EXOSC7: variants seen among roughly 807,000 people sequenced by gnomAD.
EXOSC7 encodes the protein exosome complex component RRP42.
EXOSC7 carries 25 observed loss-of-function variants against 34.3 expected under a neutral mutation model. The ratio of observed to expected loss-of-function variants is 0.73; its 90% CI spans 0.53 to 1.02. The LOEUF (loss-of-function observed/expected upper bound fraction) is 1.02, where lower values mean the gene tolerates loss of function less well. EXOSC7 is among the 50% of genes least tolerant of loss of function. The pLI is 0.00. For synonymous variants in EXOSC7, 130 were observed against 143.0 expected (o/e 0.91, Z 0.65); for missense variants, 370 against 368.5 (o/e 1.00, Z -0.03).
intron 3 of EXOSC7, among the ~76,000 whole-genome samples, chr3:44,993,812 T>C (rs1706636562): frequency 6.6e-6 from 1 of 152,218 alleles, no homozygotes; most frequent in Non-Finnish European, 1.5e-5. Flanking sequence ...ATTACCAGCC[T>C]GTGTTTTCTT....
intron 4 of EXOSC7, 74 bp downstream of exon 4, chr3:44,997,326 T>C (rs2125968665): frequency 7.0e-7 from 1 of 1,435,262 alleles, no homozygotes; most frequent in Non-Finnish European, 9.5e-7. Flanking sequence ...TTCCTTCCAG[T>C]GCTTTTTTCC....
Position 44,976,440 on chromosome 3 carries a change from T to A in EXOSC7, c.57+106T>A, listed in dbSNP as rs1706029373. 5.2e-5 allele frequency: 52 copies of A among 997,672 alleles called. 1 individual carries two copies. In the South Asian group the frequency reaches 8.4e-4, roughly 16 times the overall value. The allele number at this position is 997,672 out of a possible 1,614,324, so 61.8% of individuals were successfully genotyped here. A position where few individuals can be genotyped will look rare whatever the true frequency, so the allele number is the denominator to read the frequency against. On this transcript the variant is annotated intron_variant, in intron 1 of 7. Coordinates refer to ENST00000265564, the MANE Select transcript of EXOSC7 (RefSeq NM_015004.4). ...GAGGAGGCAGCCGAGCTGCGGCGAC[T>A]CTCCGTTTACCTTGTGATTAAACGG...
chr3:44,997,907 C>G (rs1434810259), intron 4 of EXOSC7, among the ~76,000 whole-genome samples: 1 of 152,220 alleles, frequency 6.6e-6, no homozygotes, highest in Admixed American at 6.5e-5. Context: ...AGTCTACTCC[C>G]CTGGGAGTCT....
In EXOSC7 at chr3:44,997,215, C is replaced by G. The variant is rs567495078; in HGVS notation, c.383C>G (p.Pro128Arg). 1 of 1,613,784 alleles carries G rather than the reference C, an allele frequency of 6.2e-7. No individual in the cohort carries two copies. Among genetic ancestry groups the G allele is most frequent in the South Asian group, 1.1e-5 (1 of 91,068 alleles). The change falls in exon 4 of 8, where the codon CCT (proline) becomes CGT (arginine). Residue 128 changes from proline (P) to arginine (R), a missense_variant. Transcript: ENST00000265564. ...GACTTAAAGACCCTCTGCATTAGTC[C>G]TCGGGAGCACTGCTGGGTTCTCTAT... ...SVDLKTLCIS[P>R]REHCWVLYVD...
chr3:45,005,361 G>A lies in EXOSC7; in HGVS notation c.562G>A (p.Asp188Asn), dbSNP rs1576025542. 6.2e-7 allele frequency: 1 copy of A among 1,613,982 alleles called. No individual in the cohort carries two copies. Among genetic ancestry groups the A allele is most frequent in the South Asian group, 1.1e-5 (1 of 91,072 alleles). ...KDIELSDDPY[D>N]CIRLSVENVP... is the part of the protein sequence containing the mutation. ...CATTGAATTGTCAGATGACCCTTAT[G>A]ACTGCATACGACTAAGTGTGGAGAA... Residue 188 changes from aspartate (D) to asparagine (N), a missense_variant, in exon 6 of 8, where the codon GAC (aspartate) becomes AAC (asparagine). Asp to Asn is a conservative substitution (Grantham distance 23). Coordinates refer to ENST00000265564, the MANE Select transcript of EXOSC7 (RefSeq NM_015004.4).
At chr3:44,998,824 T>C (rs1217269757) in intron 4 of EXOSC7, among the ~76,000 whole-genome samples, 1 of 152,180 alleles carries the variant, frequency 6.6e-6, no homozygotes, top group African/African-American at 2.4e-5. Flanking sequence ...GTTGGCAATT[T>C]TTCAGGTCCT....
intron 3 of EXOSC7, among the ~76,000 whole-genome samples, chr3:44,994,870 TG>T (rs1474120173): frequency 6.8e-6 from 1 of 146,958 alleles, no homozygotes; most frequent in African/African-American, 2.5e-5. Context: ...TGTGTGTGTG[TG>T]TGTGTGTGTG....
chr3:44,989,246 G>A lies in EXOSC7; in HGVS notation c.159+5G>A. The A allele has an allele frequency of 1.2e-6, 2 of 1,605,098 alleles. No homozygotes were observed. Among genetic ancestry groups the A allele is most frequent in the Non-Finnish European group, 1.7e-6 (2 of 1,171,864 alleles). ...GGGTCCGCCAGGGTCAAGCTGGTGA[G>A]TACTGTGACCATGGTTCAAGCCCAG... is the stretch of plus-strand genomic sequence containing the variant. On this transcript the variant is annotated splice_donor_5th_base_variant and intron_variant, in intron 2 of 7. Coordinates refer to ENST00000265564, the MANE Select transcript of EXOSC7 (RefSeq NM_015004.4).
At chr3:44,985,109 G>C (rs1381612682) in intron 1 of EXOSC7, among the ~76,000 whole-genome samples, 2 of 152,186 alleles carry the variant, frequency 1.3e-5, no homozygotes, top group Non-Finnish European at 2.9e-5. Context: ...TGGGGAGTGG[G>C]GCACATGGAG....
intron 3 of EXOSC7, among the ~76,000 whole-genome samples, chr3:44,996,783 T>G (rs1706732851): frequency 6.6e-6 from 1 of 152,210 alleles, no homozygotes; most frequent in South Asian, 2.1e-4. Flanking sequence ...TTAATTATTA[T>G]CGGCCGAGGT....
intron 3 of EXOSC7, among the ~76,000 whole-genome samples, chr3:44,995,258 C>T (rs1023997174): frequency 3.3e-4 from 50 of 152,312 alleles, no homozygotes; most frequent in Non-Finnish European, 5.4e-4. Context: ...GCTGGGATTG[C>T]AGGCGTGAGC....
chr3:44,998,490 C>G (rs1464870707), intron 4 of EXOSC7, among the ~76,000 whole-genome samples: 2 of 152,098 alleles, frequency 1.3e-5, no homozygotes, highest in East Asian at 3.9e-4. Flanking sequence ...AGATGAAGGA[C>G]AAAAAGCTAA....
intron 7 of EXOSC7, 79 bp downstream of exon 7, chr3:45,007,654 G>A: frequency 1.8e-5 from 26 of 1,416,616 alleles, no homozygotes; most frequent in Non-Finnish European, 2.4e-5. Context: ...TCATACCGTG[G>A]GGATTCTCCC....
chr3:45,011,429 C>A lies in EXOSC7; in HGVS notation c.*90C>A. Reference sequence around the variant, plus strand: ...ATTTTTCTTCGCTGTTACGAATTTACAGCAGCATTTGTACATGTAAAATTA... The same window carrying A: ...ATTTTTCTTCGCTGTTACGAATTTAAAGCAGCATTTGTACATGTAAAATTA... On this transcript the variant is annotated 3_prime_UTR_variant, in exon 8 of 8. Coordinates refer to ENST00000265564, the MANE Select transcript of EXOSC7 (RefSeq NM_015004.4). 1.2e-6 allele frequency: 1 copy of A among 806,340 alleles called. No homozygotes were observed. Among genetic ancestry groups the A allele is most frequent in the Non-Finnish European group, 2.0e-6 (1 of 492,972 alleles). 49.9% of individuals were successfully genotyped at this position (806,340 alleles called of 1,614,324 possible).
At chr3:45,005,992 A>G (rs1165413357) in intron 6 of EXOSC7, among the ~76,000 whole-genome samples, 1 of 150,668 alleles carries the variant, frequency 6.6e-6, no homozygotes, top group African/African-American at 2.4e-5. Context: ...GTCAGGTTTA[A>G]TTCCACTGAA....
At chr3:45,007,697 T>C in intron 7 of EXOSC7, 122 bp downstream of exon 7, 1 of 1,080,796 alleles carries the variant, frequency 9.3e-7, no homozygotes, top group East Asian at 2.7e-5. Flanking sequence ...CTTGGAGATT[T>C]GGGAACAGCT....
Position 44,997,190 on chromosome 3 carries a change from G to C in EXOSC7, c.358G>C (p.Asp120His). 6.2e-7 allele frequency: 1 copy of C among 1,613,812 alleles called. No homozygotes were observed. Among genetic ancestry groups the C allele is most frequent in the Non-Finnish European group, 8.5e-7 (1 of 1,179,970 alleles). Residue 120 changes from aspartate to histidine, a missense_variant, in exon 4 of 8, where the codon GAC becomes CAC. By Grantham distance (81) the Asp-to-His change is moderately conservative (BLOSUM62 -1). Coordinates refer to ENST00000265564, the MANE Select transcript of EXOSC7 (RefSeq NM_015004.4). The part of the protein sequence containing the change: ...YRIFNNKSSV[D>H]LKTLCISPRE... ...GATATTTAACAATAAAAGCAGTGTC[G>C]ACTTAAAGACCCTCTGCATTAGTCC...
At chr3:44,980,680 T>C (rs1706248135) in intron 1 of EXOSC7, among the ~76,000 whole-genome samples, 1 of 152,218 alleles carries the variant, frequency 6.6e-6, no homozygotes, top group South Asian at 2.1e-4. Flanking sequence ...CTTTCCCCCT[T>C]TCTCTAAAAG....
At chr3:45,011,781 C>T (rs539745834), downstream of EXOSC7, among the ~76,000 whole-genome samples, 1 of 152,192 alleles carries the variant, frequency 6.6e-6, no homozygotes, top group African/African-American at 2.4e-5. Context: ...AGGTACACAC[C>T]CAGGGCGTCT....
Sources: allele counts gnomAD v4.1 joint callset (sites outside exome capture counted in the v4.1 genomes callset), GRCh38; gene constraint gnomAD v4.1.1; transcripts MANE v1.5; gene names NCBI Gene and HGNC (gene_info 2026-07-23, HGNC 2026-07-21).